Variants in PIK3C2G observed in about 807,000 individuals in gnomAD.
PIK3C2G encodes phosphatidylinositol 3-kinase C2 domain-containing subunit gamma.
In PIK3C2G, 168 loss-of-function variants were observed where a neutral mutation model predicts 181.1. The observed-to-expected ratio is 0.93, with a 90% confidence interval of 0.82 to 1.05. PIK3C2G has a LOEUF of 1.05. Among genes scored for constraint, PIK3C2G ranks in the 50% least tolerant of loss-of-function variants. The probability of loss-of-function intolerance (pLI) is 0.00; values close to 1 mark genes in which losing one functional copy is unlikely to be tolerated. For missense variants in PIK3C2G, 1,869 were observed against 1,732.8 expected, an observed-to-expected ratio of 1.08 and a Z score of -1.40; for synonymous variants, 573 against 592.2, an observed-to-expected ratio of 0.97 and a Z score of 0.47.
intron 18 of PIK3C2G, among the ~76,000 whole-genome samples, chr12:18,434,488 C>A (rs894749503): frequency 6.6e-6 from 1 of 152,100 alleles, no homozygotes; most frequent in Non-Finnish European, 1.5e-5. Flanking sequence ...GAAAGAGAAT[C>A]ATAGCATATA....
intron 21 of PIK3C2G, 46 bp downstream of exon 21, chr12:18,496,200 T>A: frequency 1.9e-6 from 2 of 1,072,470 alleles, no homozygotes; most frequent in Non-Finnish European, 2.7e-6. Context: ...TACACAGAAC[T>A]ATCGATTTAT....
intron 5 of PIK3C2G, among the ~76,000 whole-genome samples, chr12:18,299,464 A>G (rs1248091432): frequency 2.0e-5 from 3 of 152,082 alleles, no homozygotes; most frequent in East Asian, 1.9e-4. Context: ...GTTTTTCTGA[A>G]TATGAGATCC....
chr12:18,413,012 C>T (rs1053299236), intron 16 of PIK3C2G, among the ~76,000 whole-genome samples: 6 of 152,156 alleles, frequency 3.9e-5, no homozygotes, highest in Admixed American at 1.3e-4. Context: ...CATGAAGTTG[C>T]TTTAATTATA....
the PIK3C2G span, among the ~76,000 whole-genome samples, chr12:18,725,476 A>T: frequency 6.6e-6 from 1 of 152,140 alleles, no homozygotes; most frequent in African/African-American, 2.4e-5. Flanking sequence ...CCAGAGGAGC[A>T]GCTGGAAGAA....
At chr12:18,248,345 G>A (rs1000898016) in intron 1 of PIK3C2G, among the ~76,000 whole-genome samples, 1 of 152,068 alleles carries the variant, frequency 6.6e-6, no homozygotes, top group Non-Finnish European at 1.5e-5. Context: ...GGCCGAGGCG[G>A]GCAGATCACG....
chr12:18,646,335 C>T (rs1565596490), intron 32 of PIK3C2G, among the ~76,000 whole-genome samples: 1 of 152,140 alleles, frequency 6.6e-6, no homozygotes, highest in Non-Finnish European at 1.5e-5. Flanking sequence ...ACCATAATCT[C>T]CTGTATGGAA....
intron 8 of PIK3C2G, among the ~76,000 whole-genome samples, chr12:18,329,626 G>A (rs1251919920): frequency 2.0e-5 from 3 of 151,878 alleles, no homozygotes; most frequent in African/African-American, 7.2e-5. Context: ...TCATTGTTGT[G>A]TAATAATTCC....
chr12:18,715,694 T>G, the PIK3C2G span: 2 of 152,252 alleles, frequency 1.3e-5, no homozygotes, highest in African/African-American at 4.8e-5. Flanking sequence ...AGATGGGGTC[T>G]CTGTCACCCA....
At chr12:18,695,319 A>C in the PIK3C2G span, among the ~76,000 whole-genome samples, 1 of 152,190 alleles carries the variant, frequency 6.6e-6, no homozygotes, top group Non-Finnish European at 1.5e-5. Context: ...TTGAGTAAAG[A>C]AATCAAAATG....
rs141739388 is a variant in PIK3C2G, at chr12:18,387,781, G to A, written c.1996-3341G>A. 5.9e-5 allele frequency among the ~76,000 whole-genome samples: 9 copies of A among 152,232 alleles called. No individual in the cohort carries two copies. The East Asian group carries it at 1.7e-3, about 29-fold the overall frequency. On this transcript the variant is annotated intron_variant, in intron 14 of 32. Coordinates refer to ENST00000538779, the MANE Select transcript of PIK3C2G (RefSeq NM_001288772.2). ...GAAGGTATTATATCACAAACATCTA[G>A]CACAGTAGTTGGAATAATGTTTTTG...
intron 29 of PIK3C2G, among the ~76,000 whole-genome samples, chr12:18,590,582 T>C (rs913297581): frequency 1.3e-5 from 2 of 151,830 alleles, no homozygotes; most frequent in African/African-American, 4.8e-5. Flanking sequence ...AACACCGGCA[T>C]AGGTTATTAA....
chr12:18,665,166 A>T, the PIK3C2G span, among the ~76,000 whole-genome samples: 15,860 of 150,074 alleles, frequency 0.11, 1,055 homozygotes, highest in African/African-American at 0.19. Context: ...ATAATAATAA[A>T]AAATAAAAAA....
At chr12:18,609,707 A>G (rs1439066192) in intron 31 of PIK3C2G, 78 bp downstream of exon 31, 1 of 786,050 alleles carries the variant, frequency 1.3e-6, no homozygotes, top group Non-Finnish European at 2.1e-6. Context: ...AATTAGTGTC[A>G]ACATTAGCTA....
intron 13 of PIK3C2G, among the ~76,000 whole-genome samples, chr12:18,379,753 G>T (rs1942707625): frequency 6.6e-6 from 1 of 152,076 alleles, no homozygotes; most frequent in Admixed American, 6.5e-5. Context: ...GCAAGCCCTG[G>T]GTGACTCAGG....
intron 26 of PIK3C2G, among the ~76,000 whole-genome samples, chr12:18,549,968 C>T (rs1482561640): frequency 6.6e-6 from 1 of 151,958 alleles, no homozygotes; most frequent in African/African-American, 2.4e-5. Context: ...CCATGAGGCT[C>T]ACTATCCCCT....
the PIK3C2G span, among the ~76,000 whole-genome samples, chr12:18,685,161 A>G: frequency 6.6e-6 from 1 of 152,060 alleles, no homozygotes; most frequent in Non-Finnish European, 1.5e-5. Flanking sequence ...TGAAAGCTAG[A>G]TAACAAACTA....
rs191077735 is a variant in PIK3C2G at position 18,282,101 on chromosome 12, C to T, written c.20C>T (p.Thr7Met). MAYSWQ[T>M]DPNPNESHEK... ...TAAAAAATGGCATATTCTTGGCAAACGGATCCAAATCCTAATGAATCACAC... is the reference window on the plus strand; with the variant it reads ...TAAAAAATGGCATATTCTTGGCAAATGGATCCAAATCCTAATGAATCACAC... Residue 7 changes from threonine (T) to methionine (M), a missense_variant, in exon 2 of 33, where the codon ACG (threonine) becomes ATG (methionine). By Grantham distance (81) the Thr-to-Met change is moderately conservative. Coordinates refer to ENST00000538779, the MANE Select transcript of PIK3C2G (RefSeq NM_001288772.2). 3.6e-4 allele frequency: 576 copies of T among 1,597,662 alleles called. 2 individuals are homozygous for T. In the South Asian group the frequency reaches 3.8e-3, roughly 10 times the overall value.
At chr12:18,381,496 T>A (rs1942830827) in intron 13 of PIK3C2G, among the ~76,000 whole-genome samples, 1 of 152,178 alleles carries the variant, frequency 6.6e-6, no homozygotes, top group Admixed American at 6.5e-5. Flanking sequence ...AAATAAATGC[T>A]ACCCATTAGA....
chr12:18,570,788 T>A (rs1040958753), intron 29 of PIK3C2G, among the ~76,000 whole-genome samples: 2 of 150,442 alleles, frequency 1.3e-5, no homozygotes, highest in Admixed American at 6.6e-5. Context: ...ATCTGACCCA[T>A]AGAGAGATGG....
Sources: gnomAD v4.1 joint callset for allele counts (sites outside exome capture counted in the v4.1 genomes callset) on GRCh38, gnomAD v4.1.1 for gene constraint, MANE v1.5 for transcripts, NCBI Gene and HGNC (gene_info 2026-07-23, HGNC 2026-07-21) for gene names.